MYRFL: variants seen among roughly 807,000 people sequenced by gnomAD.
MYRFL encodes the protein myelin regulatory factor like.
A neutral mutation model predicts 109.4 loss-of-function variants in MYRFL; 88 were observed. The observed-to-expected ratio is 0.80, with a 90% CI of 0.68 to 0.96. The LOEUF is 0.96. Ranked by LOEUF, MYRFL falls within the 40% of genes least tolerant of loss-of-function variation. The pLI, the probability that MYRFL is intolerant of heterozygous loss-of-function variation, is 0.00. For synonymous variants in MYRFL, 324 were observed against 320.9 expected, an observed-to-expected ratio of 1.01 and a Z score of -0.10; for missense variants, 957 against 954.9, an observed-to-expected ratio of 1.00 and a Z score of -0.03.
At chr12:69,929,636 A>G (rs1005118327) in intron 15 of MYRFL, among the ~76,000 whole-genome samples, 3 of 152,206 alleles carry the variant, frequency 2.0e-5, no homozygotes, top group Non-Finnish European at 4.4e-5. Flanking sequence ...AATAATAACA[A>G]TATCTAAGTT....
chr12:69,903,160 C>T (rs1365203480), intron 10 of MYRFL, among the ~76,000 whole-genome samples: 1 of 152,158 alleles, frequency 6.6e-6, no homozygotes, highest in Non-Finnish European at 1.5e-5. Flanking sequence ...ATTTGCTTGT[C>T]ACTTGTGTAT....
intron 15 of MYRFL, 114 bp downstream of exon 15, chr12:69,927,862 C>T: frequency 1.1e-6 from 1 of 924,430 alleles, no homozygotes; most frequent in Non-Finnish European, 1.6e-6. Context: ...CCCTAGTTTG[C>T]ATCCTTATGT....
intron 15 of MYRFL, among the ~76,000 whole-genome samples, chr12:69,928,632 C>G (rs1955173629): frequency 6.6e-6 from 1 of 152,172 alleles, no homozygotes; most frequent in Admixed American, 6.5e-5. Flanking sequence ...AGTGTATTGA[C>G]AAACACAAAT....
intron 1 of MYRFL, 57 bp downstream of exon 1, chr12:69,825,620 T>G (rs528695234): frequency 1.4e-6 from 1 of 689,792 alleles, no homozygotes; most frequent in African/African-American, 1.8e-5. Context: ...TCACTATCCC[T>G]GTTTCACCTT....
intron 13 of MYRFL, among the ~76,000 whole-genome samples, chr12:69,922,134 C>T (rs983420107): frequency 1.3e-5 from 2 of 151,876 alleles, no homozygotes; most frequent in African/African-American, 4.8e-5. Context: ...GAGCAGGGTG[C>T]AGGGAGGGGT....
intron 15 of MYRFL, among the ~76,000 whole-genome samples, chr12:69,928,610 G>C (rs1955172264): frequency 6.6e-6 from 1 of 152,204 alleles, no homozygotes; most frequent in Non-Finnish European, 1.5e-5. Context: ...TTATGCAGCT[G>C]ACAAGCTCCT....
intron 2 of MYRFL, among the ~76,000 whole-genome samples, chr12:69,863,636 GA>G (rs1884834121): frequency 2.0e-5 from 3 of 152,240 alleles, no homozygotes; most frequent in South Asian, 4.2e-4. Flanking sequence ...AAAACTCTAT[GA>G]GACAATGCTA....
intron 19 of MYRFL, among the ~76,000 whole-genome samples, chr12:69,940,677 A>G (rs1955614301): frequency 6.6e-6 from 1 of 151,886 alleles, no homozygotes; most frequent in Non-Finnish European, 1.5e-5. Context: ...AAATTCATAC[A>G]TAACACTATT....
chr12:69,926,445 T>C, intron 13 of MYRFL, 126 bp from the exon 14 acceptor site: 1 of 720,230 alleles, frequency 1.4e-6, no homozygotes, highest in Non-Finnish European at 1.9e-6. Flanking sequence ...TGAATGAACT[T>C]GAAGATGTGT....
In MYRFL at chr12:69,912,153, A is replaced by G. The variant is rs1954591656; in HGVS notation, c.1602+1223A>G. Among the ~76,000 whole-genome samples the G allele has an allele frequency of 2.6e-5, 4 of 152,216 alleles. No individual in the cohort carries two copies. The South Asian group carries it at 8.3e-4, about 31-fold the overall frequency. The stretch of plus-strand genomic sequence containing the variant: ...AGGGCTGCAAGAGCACAGTGGCAGA[A>G]GTTGACTTACTGCCTCCTGCTTCCC... On this transcript the variant is annotated intron_variant, in intron 13 of 24. Coordinates refer to ENST00000552032, the MANE Select transcript of MYRFL (RefSeq NM_182530.3).
chr12:69,890,230 T>C (rs1219809635), intron 6 of MYRFL, among the ~76,000 whole-genome samples: 1 of 152,174 alleles, frequency 6.6e-6, no homozygotes, highest in East Asian at 1.9e-4. Flanking sequence ...TTTTTAAATA[T>C]GGTGTTGCTG....
At chr12:69,835,972 C>T (rs930819679) in intron 1 of MYRFL, among the ~76,000 whole-genome samples, 7 of 152,294 alleles carry the variant, frequency 4.6e-5, no homozygotes, top group Middle Eastern at 3.4e-3. Flanking sequence ...TCTACCTTGT[C>T]GCAAGGACAA....
At chr12:69,885,980 T>C (rs552083844) in intron 5 of MYRFL, among the ~76,000 whole-genome samples, 40 of 152,152 alleles carry the variant, frequency 2.6e-4, no homozygotes, top group African/African-American at 9.2e-4. Context: ...AAATAACTGG[T>C]CTAAGTTCAA....
chr12:69,835,178 G>A (rs1325609173), intron 1 of MYRFL, among the ~76,000 whole-genome samples: 2 of 152,096 alleles, frequency 1.3e-5, no homozygotes, highest in African/African-American at 2.4e-5. Context: ...GAAAGGCCGG[G>A]GTGGTATAAA....
intron 10 of MYRFL, among the ~76,000 whole-genome samples, chr12:69,898,139 C>T (rs1160265885): frequency 6.6e-6 from 1 of 152,186 alleles, no homozygotes; most frequent in Non-Finnish European, 1.5e-5. Flanking sequence ...ATGTATGTGG[C>T]TGTTAACCTG....
Position 69,890,954 on chromosome 12 carries a change from G to T in MYRFL, c.708-17G>T. 6 of 1,428,252 alleles carry T rather than the reference G, an allele frequency of 4.2e-6. No homozygotes were observed. The highest frequency in any genetic ancestry group is 1.6e-5 in the South Asian group (1 of 63,682). 88.5% of individuals were successfully genotyped at this position (1,428,252 alleles called of 1,614,324 possible). ...GAAACATTTGTAAAACTGGTTTCTTGGTTTCTCTTTTCATAGACCTGATGT... is the reference window on the plus strand; with the variant it reads ...GAAACATTTGTAAAACTGGTTTCTTTGTTTCTCTTTTCATAGACCTGATGT... On this transcript the variant is annotated splice_polypyrimidine_tract_variant and intron_variant, in intron 6 of 24. Coordinates refer to ENST00000552032, the MANE Select transcript of MYRFL (RefSeq NM_182530.3).
chr12:69,879,500 C>G, intron 4 of MYRFL, 47 bp downstream of exon 4: 2 of 666,824 alleles, frequency 3.0e-6, no homozygotes, highest in East Asian at 2.7e-5. Context: ...CGGAAAGCCT[C>G]GGAGCAGCCT....
Position 69,958,582 on chromosome 12 carries a change from T to TAAC in MYRFL, c.*53_*55dup, listed in dbSNP as rs1956148632. ...AAAGAAAAATACTCAGGAATACATTTAACAGAAACGAACATCCTCTTGCAA... is the reference window on the plus strand; with the variant it reads ...AAAGAAAAATACTCAGGAATACATTTAACAACAGAAACGAACATCCTCTTGCAA... On this transcript the variant is annotated 3_prime_UTR_variant, in exon 25 of 25. Transcript: ENST00000552032. The TAAC allele has an allele frequency of 9.1e-6, 12 of 1,315,124 alleles. No homozygotes were observed. The East Asian group carries it at 2.8e-4, about 30-fold the overall frequency. The allele number at this position is 1,315,124 out of a possible 1,614,324, so 81.5% of individuals were successfully genotyped here. A position where few individuals can be genotyped will look rare whatever the true frequency, so the allele number is the denominator to read the frequency against.
intron 19 of MYRFL, among the ~76,000 whole-genome samples, chr12:69,947,937 TG>T (rs996456728): frequency 3.3e-5 from 5 of 152,218 alleles, no homozygotes; most frequent in African/African-American, 1.2e-4. Flanking sequence ...ATGCTTTTTT[TG>T]GGCACCATCC....
Sources: gnomAD v4.1 joint callset for allele counts (sites outside exome capture counted in the v4.1 genomes callset) on GRCh38, gnomAD v4.1.1 for gene constraint, MANE v1.5 for transcripts, NCBI Gene and HGNC (gene_info 2026-07-23, HGNC 2026-07-21) for gene names.